Variants in LY9 observed in about 807,000 individuals in gnomAD.
LY9 encodes T-lymphocyte surface antigen Ly-9.
In LY9, 59 loss-of-function variants were observed where a neutral mutation model predicts 64.6. The observed-to-expected ratio is 0.91, with a 90% CI of 0.74 to 1.13. LY9 has a LOEUF of 1.13. LY9 is among the 50% of genes most tolerant of loss of function. LY9 has a pLI of 0.00. For synonymous variants in LY9, 281 were observed against 308.5 expected (o/e 0.91, Z 0.93); for missense variants, 789 against 797.2 (o/e 0.99, Z 0.12).
intron 9 of LY9, among the ~76,000 whole-genome samples, chr1:160,826,834 T>C (rs1668875594): frequency 6.6e-6 from 1 of 152,222 alleles, no homozygotes; most frequent in Non-Finnish European, 1.5e-5. Context: ...AAATCTGTGC[T>C]GTTCACTGCA....
intron 2 of LY9, among the ~76,000 whole-genome samples, chr1:160,800,782 T>G (rs1446892991): frequency 2.6e-5 from 4 of 152,196 alleles, no homozygotes; most frequent in Non-Finnish European, 5.9e-5. Context: ...CACTTATAGG[T>G]GAGAACGTGT....
At chr1:160,801,352 A>ATGTC (rs1666456789) in intron 2 of LY9, among the ~76,000 whole-genome samples, 1 of 152,190 alleles carries the variant, frequency 6.6e-6, no homozygotes, top group African/African-American at 2.4e-5. Context: ...GGTCATGTGT[A>ATGTC]TGTCTTCTTT....
chr1:160,822,518 G>A (rs903233751), intron 7 of LY9, among the ~76,000 whole-genome samples: 3 of 152,278 alleles, frequency 2.0e-5, no homozygotes, highest in African/African-American at 7.2e-5. Flanking sequence ...AGTCCCTGCT[G>A]GTGTTCACCC....
intron 2 of LY9, among the ~76,000 whole-genome samples, chr1:160,805,751 A>T (rs1008325688): frequency 2.1e-4 from 27 of 130,638 alleles, no homozygotes; most frequent in African/African-American, 8.9e-4. Context: ...TCACACACAC[A>T]CACACACACA....
chr1:160,827,678 T>G, intron 9 of LY9, 70 bp from the exon 10 acceptor site: 1 of 1,256,616 alleles, frequency 8.0e-7, no homozygotes, highest in Non-Finnish European at 1.1e-6. Flanking sequence ...GGCCTTGCCT[T>G]CCTCTTTCAT....
At chr1:160,802,010 G>C in intron 2 of LY9, 1 of 1,512,246 alleles carries the variant, frequency 6.6e-7, no homozygotes, top group Non-Finnish European at 8.8e-7. Flanking sequence ...ATGGGACCCT[G>C]CCAGGCCCAG....
intron 4 of LY9, among the ~76,000 whole-genome samples, chr1:160,815,781 A>G (rs529270791): frequency 6.6e-6 from 1 of 152,368 alleles, no homozygotes; most frequent in African/African-American, 2.4e-5. Flanking sequence ...CTTGGTGTCC[A>G]AAGACACTGT....
At chr1:160,818,179 T>C (rs1668104391) in intron 5 of LY9, 39 bp from the exon 6 acceptor site, 1 of 1,352,218 alleles carries the variant, frequency 7.4e-7, no homozygotes, top group Non-Finnish European at 1.1e-6. Flanking sequence ...GTGTGTCTTG[T>C]CATTATTTGA....
intron 2 of LY9, among the ~76,000 whole-genome samples, chr1:160,808,309 A>T (rs1272825230): frequency 6.6e-6 from 1 of 152,172 alleles, no homozygotes; most frequent in East Asian, 1.9e-4. Flanking sequence ...TGGCAGCAAC[A>T]GTTTTAGTTT....
At chr1:160,803,490 C>G (rs1366934933) in intron 2 of LY9, among the ~76,000 whole-genome samples, 1 of 151,946 alleles carries the variant, frequency 6.6e-6, no homozygotes, top group African/African-American at 2.4e-5. Flanking sequence ...TGTAGTTTGC[C>G]TTGTAGAGAT....
At chr1:160,817,338 G>A (rs1484619044) in intron 5 of LY9, among the ~76,000 whole-genome samples, 1 of 152,190 alleles carries the variant, frequency 6.6e-6, no homozygotes, top group Non-Finnish European at 1.5e-5. Flanking sequence ...AGTTTTTCAA[G>A]AAGGAATTGA....
intron 1 of LY9, among the ~76,000 whole-genome samples, chr1:160,797,874 CA>C (rs1666044543): frequency 6.6e-6 from 1 of 152,024 alleles, no homozygotes; most frequent in African/African-American, 2.4e-5. Flanking sequence ...CACACACACA[CA>C]CACACACACA....
intron 2 of LY9, among the ~76,000 whole-genome samples, chr1:160,805,356 C>A (rs1397960377): frequency 6.6e-6 from 1 of 151,512 alleles, no homozygotes; most frequent in Non-Finnish European, 1.5e-5. Flanking sequence ...TCTTTGTTGA[C>A]CCAATGGTCA....
At chr1:160,815,141 G>A (rs903976452) in intron 4 of LY9, 17 of 191,194 alleles carry the variant, frequency 8.9e-5, no homozygotes, top group Non-Finnish European at 1.9e-4. Context: ...AGGAATTTGA[G>A]ACCAGGCTGG....
chr1:160,824,342 C>A, intron 9 of LY9, 93 bp downstream of exon 9: 1 of 1,567,172 alleles, frequency 6.4e-7, no homozygotes, highest in Non-Finnish European at 8.6e-7. Context: ...ATTCCCATGG[C>A]TAAGGATCTT....
chr1:160,812,310 C>G (rs12117689), intron 2 of LY9: 2 of 152,126 alleles, frequency 1.3e-5, no homozygotes, highest in African/African-American at 2.4e-5. Flanking sequence ...TTAATTACTT[C>G]TATCTCCAAA....
At chr1:160,804,437 T>G (rs968686587) in intron 2 of LY9, among the ~76,000 whole-genome samples, 1 of 152,158 alleles carries the variant, frequency 6.6e-6, no homozygotes, top group Non-Finnish European at 1.5e-5. Context: ...CTGGGATAAA[T>G]CCCACTTGAT....
At chr1:160,820,638 T>C (rs1246642709) in intron 7 of LY9, among the ~76,000 whole-genome samples, 1 of 152,006 alleles carries the variant, frequency 6.6e-6, no homozygotes, top group Non-Finnish European at 1.5e-5. Flanking sequence ...AGAGCCCTGG[T>C]GTCCCCCTGC....
chr1:160,819,154 C>T (rs534316153), intron 6 of LY9, among the ~76,000 whole-genome samples, 167 bp from the exon 7 acceptor site: 1 of 152,238 alleles, frequency 6.6e-6, no homozygotes, highest in African/African-American at 2.4e-5. Flanking sequence ...CTCTGGCCAC[C>T]CCTTCACATA....
Sources: gnomAD v4.1 joint callset for allele counts (sites outside exome capture counted in the v4.1 genomes callset) on GRCh38, gnomAD v4.1.1 for gene constraint, MANE v1.5 for transcripts, NCBI Gene and HGNC (gene_info 2026-07-23, HGNC 2026-07-21) for gene names.